NBEA: variants seen among roughly 807,000 people sequenced by gnomAD.
NBEA encodes the protein neurobeachin.
Under a neutral mutation model 343.4 loss-of-function variants are expected in NBEA, and 44 were observed. That is an observed-to-expected ratio of 0.13 (90% CI 0.10 to 0.16). The LOEUF (loss-of-function observed/expected upper bound fraction) is 0.16, where lower values mean the gene tolerates loss of function less well. Ranked by LOEUF, NBEA falls within the 10% of genes least tolerant of loss-of-function variation. NBEA has a pLI of 1.00. For synonymous variants in NBEA, 1,175 were observed against 1,238.7 expected, an observed-to-expected ratio of 0.95 and a Z score of 1.08; for missense variants, 2,555 against 3,631.3, an observed-to-expected ratio of 0.70 and a Z score of 7.62.
intron 21 of NBEA, 64 bp from the exon 22 acceptor site, chr13:35,158,949 GTAT>G: frequency 7.7e-7 from 1 of 1,302,118 alleles, no homozygotes; most frequent in Non-Finnish European, 1.0e-6. Flanking sequence ...AATTTAATTT[GTAT>G]TATTTAGTTT....
chr13:35,517,210 A>G (rs575920116), intron 41 of NBEA, among the ~76,000 whole-genome samples: 1 of 151,686 alleles, frequency 6.6e-6, no homozygotes, highest in Non-Finnish European at 1.5e-5. Context: ...TTCCCTGGCC[A>G]CTCTTCCGTC....
In NBEA at chr13:35,672,170, CA is replaced by C. The variant is rs1033544635; in HGVS notation, c.*1180del. ...CATTGTACTGATCAAGTTATACACC[CA>C]GGGGTATATACACTTTCTTCATGTT... On this transcript the variant is annotated 3_prime_UTR_variant, in exon 59 of 59. Transcript: ENST00000379939. The C allele has an allele frequency of 3.9e-5, 6 of 152,684 alleles. No homozygotes were observed. The highest frequency in any genetic ancestry group is 1.2e-4 in the African/African-American group (5 of 41,534). The allele number at this position is 152,684 out of a possible 1,614,324, so 9.5% of individuals were successfully genotyped here.
intron 41 of NBEA, among the ~76,000 whole-genome samples, chr13:35,500,412 G>A (rs777450306): frequency 1.3e-5 from 2 of 152,118 alleles, no homozygotes; most frequent in Non-Finnish European, 2.9e-5. Context: ...GTCATCCACC[G>A]TGTGGTGTGC....
chr13:35,511,362 A>G (rs1306238140), intron 41 of NBEA, among the ~76,000 whole-genome samples: 1 of 152,186 alleles, frequency 6.6e-6, no homozygotes, highest in African/African-American at 2.4e-5. Context: ...GTGATTATCA[A>G]TATATAACAG....
At chr13:35,161,683 C>A in intron 22 of NBEA, 67 bp from the exon 23 acceptor site, 1 of 1,281,782 alleles carries the variant, frequency 7.8e-7, no homozygotes, top group South Asian at 1.3e-5. Context: ...TTACTATACT[C>A]ACAGTTTCAT....
intron 1 of NBEA, among the ~76,000 whole-genome samples, chr13:34,950,129 C>G (rs1268790841): frequency 6.6e-6 from 1 of 152,168 alleles, no homozygotes; most frequent in East Asian, 1.9e-4. Context: ...TCCTGCTTTC[C>G]TGGACCAGAC....
chr13:35,510,814 A>G (rs1165977475), intron 41 of NBEA, among the ~76,000 whole-genome samples: 1 of 152,190 alleles, frequency 6.6e-6, no homozygotes, highest in Admixed American at 6.5e-5. Flanking sequence ...AGTTTGAGAA[A>G]GTCCAGTAAG....
At chr13:35,600,479 T>A (rs146537352) in intron 47 of NBEA, among the ~76,000 whole-genome samples, 3 of 152,284 alleles carry the variant, frequency 2.0e-5, no homozygotes, top group Non-Finnish European at 2.9e-5. Flanking sequence ...TTTACTGAAT[T>A]ACAGGATGCA....
At chr13:35,512,110 G>T (rs1266758983) in intron 41 of NBEA, among the ~76,000 whole-genome samples, 1 of 152,180 alleles carries the variant, frequency 6.6e-6, no homozygotes, top group Non-Finnish European at 1.5e-5. Flanking sequence ...CACCCGTCTT[G>T]AACTGTCAGT....
chr13:34,980,484 A>ATTTATTT (rs2060321436), intron 1 of NBEA, among the ~76,000 whole-genome samples: 3 of 140,284 alleles, frequency 2.1e-5, no homozygotes, highest in Non-Finnish European at 1.6e-5. Flanking sequence ...TTATTTATTT[A>ATTTATTT]AATGCTATTT....
intron 44 of NBEA, among the ~76,000 whole-genome samples, chr13:35,564,522 A>G (rs992529473): frequency 6.6e-6 from 1 of 152,184 alleles, no homozygotes; most frequent in Admixed American, 6.5e-5. Flanking sequence ...CAGGTGTCCT[A>G]GGTTAGCATA....
chr13:34,954,470 A>G (rs965885487), intron 1 of NBEA, among the ~76,000 whole-genome samples: 20 of 152,188 alleles, frequency 1.3e-4, no homozygotes, highest in African/African-American at 4.6e-4. Context: ...TTTCAGTCAT[A>G]TTCAGCTTCG....
chr13:35,244,253 A>G (rs1414759933), intron 34 of NBEA, among the ~76,000 whole-genome samples: 1 of 151,920 alleles, frequency 6.6e-6, no homozygotes, highest in African/African-American at 2.4e-5. Flanking sequence ...CATATTTTGA[A>G]TATGCCACTC....
Position 35,453,914 on chromosome 13 carries a change from T to C in NBEA, c.6448+1679T>C, listed in dbSNP as rs183879774. 1.5e-3 allele frequency among the ~76,000 whole-genome samples: 223 copies of C among 152,310 alleles called. 1 individual carries two copies. Among genetic ancestry groups the C allele is most frequent in the African/African-American group, 5.1e-3 (211 of 41,574 alleles). On this transcript the variant is annotated intron_variant, in intron 40 of 58. Transcript: ENST00000379939. Reference sequence around the variant, plus strand: ...AAACACCTAAAGAACAGTGAAAATATGCTTGAAATAAACTTTTTAAAATCA... The same window carrying C: ...AAACACCTAAAGAACAGTGAAAATACGCTTGAAATAAACTTTTTAAAATCA...
chr13:35,331,156 C>T (rs2038903138), intron 36 of NBEA, among the ~76,000 whole-genome samples: 1 of 151,978 alleles, frequency 6.6e-6, no homozygotes, highest in African/African-American at 2.4e-5. Context: ...GTGTATCTTT[C>T]AGAAAAAGGA....
chr13:35,430,053 T>A (rs2044999361), intron 38 of NBEA, among the ~76,000 whole-genome samples: 1 of 152,184 alleles, frequency 6.6e-6, no homozygotes, highest in Admixed American at 6.5e-5. Flanking sequence ...TTTTTCATTG[T>A]GGGTATACCA....
At chr13:35,232,884 T>C (rs944288000) in intron 34 of NBEA, among the ~76,000 whole-genome samples, 10 of 152,124 alleles carry the variant, frequency 6.6e-5, no homozygotes, top group African/African-American at 1.2e-4. Context: ...TTAATCCATC[T>C]ATCAGGGCTG....
At chr13:35,276,608 C>T (rs1330913644) in intron 34 of NBEA, among the ~76,000 whole-genome samples, 1 of 152,146 alleles carries the variant, frequency 6.6e-6, no homozygotes, top group Non-Finnish European at 1.5e-5. Context: ...TATTATTATA[C>T]TCTCTGGGAT....
At position 34,942,610 on chromosome 13, in the gene NBEA, A is replaced by C; in HGVS notation, c.-211A>C. The stretch of plus-strand genomic sequence containing the variant: ...GCGGTTAGCGGTACCGCCACCGCCG[A>C]GAATAAGCCTGCGGATCCCCCGCCG... On this transcript the variant is annotated 5_prime_UTR_variant, in exon 1 of 59. Transcript: ENST00000379939. The C allele has an allele frequency of 3.5e-6, 1 of 281,834 alleles. No homozygotes were observed. The highest frequency in any genetic ancestry group is 6.5e-6 in the Non-Finnish European group (1 of 152,990). 17.5% of individuals were successfully genotyped at this position (281,834 alleles called of 1,614,324 possible).
Sources: gnomAD v4.1 joint callset for allele counts (sites outside exome capture counted in the v4.1 genomes callset) on GRCh38, gnomAD v4.1.1 for gene constraint, MANE v1.5 for transcripts, NCBI Gene and HGNC (gene_info 2026-07-23, HGNC 2026-07-21) for gene names.